Variants in PHACTR4 observed in about 807,000 individuals in gnomAD.
The protein encoded by PHACTR4 is phosphatase and actin regulator 4, also known as protein phosphatase 1, regulatory subunit 124.
In PHACTR4, 51 loss-of-function variants were observed where a neutral mutation model predicts 72.7. The observed-to-expected ratio is 0.70, with a 90% CI of 0.56 to 0.89. The LOEUF (loss-of-function observed/expected upper bound fraction) is 0.89, where lower values mean the gene tolerates loss of function less well. Among genes scored for constraint, PHACTR4 ranks in the 40% least tolerant of loss-of-function variants. The pLI is 0.00. For missense variants in PHACTR4, 731 were observed against 861.8 expected (o/e 0.85, Z 1.90); for synonymous variants, 255 against 302.5 (o/e 0.84, Z 1.63).
intron 2 of PHACTR4, among the ~76,000 whole-genome samples, chr1:28,451,319 T>A (rs1291605530): frequency 6.6e-6 from 1 of 152,068 alleles, no homozygotes; most frequent in African/African-American, 2.4e-5. Flanking sequence ...TTTCTAAGCA[T>A]TGCAATTGAA....
At chr1:28,383,926 G>T (rs1005958006) in intron 1 of PHACTR4, among the ~76,000 whole-genome samples, 1 of 152,084 alleles carries the variant, frequency 6.6e-6, no homozygotes, top group Non-Finnish European at 1.5e-5. Flanking sequence ...TAATCATGTG[G>T]TTTTTGTCTT....
At chr1:28,489,411 T>C (rs1660899693) in intron 10 of PHACTR4, among the ~76,000 whole-genome samples, 186 bp downstream of exon 10, 1 of 152,216 alleles carries the variant, frequency 6.6e-6, no homozygotes, top group Non-Finnish European at 1.5e-5. Flanking sequence ...GATGCTATTA[T>C]GGTATTGTTT....
At chr1:28,488,983 A>G (rs1660874344) in intron 9 of PHACTR4, among the ~76,000 whole-genome samples, 187 bp from the exon 10 acceptor site, 1 of 152,178 alleles carries the variant, frequency 6.6e-6, no homozygotes, top group South Asian at 2.1e-4. Context: ...ATAATGTGAT[A>G]TCTGTGTTAA....
intron 1 of PHACTR4, among the ~76,000 whole-genome samples, chr1:28,405,497 T>G (rs1654255708): frequency 6.6e-6 from 1 of 151,662 alleles, no homozygotes; most frequent in Non-Finnish European, 1.5e-5. Context: ...CAGCTAATTT[T>G]GGTATTTTTG....
chr1:28,422,869 C>G (rs1655594271), intron 2 of PHACTR4, among the ~76,000 whole-genome samples: 1 of 152,168 alleles, frequency 6.6e-6, no homozygotes, highest in Non-Finnish European at 1.5e-5. Flanking sequence ...TCACTGCAAC[C>G]TTCACCTCCC....
chr1:28,481,128 A>G (rs925756870), intron 9 of PHACTR4, among the ~76,000 whole-genome samples: 17 of 151,872 alleles, frequency 1.1e-4, no homozygotes, highest in Admixed American at 6.6e-5. Context: ...TCTTGGGTTC[A>G]AGGCACCCTC....
chr1:28,455,033 T>G (rs369516342), intron 2 of PHACTR4, among the ~76,000 whole-genome samples: 133 of 151,330 alleles, frequency 8.8e-4, no homozygotes, highest in African/African-American at 2.0e-3. Context: ...CTAATTTTTT[T>G]TTGTTGTTGT....
At chr1:28,440,307 GAAAAAAA>G (rs1206889147) in intron 2 of PHACTR4, among the ~76,000 whole-genome samples, 3 of 82,116 alleles carry the variant, frequency 3.7e-5, no homozygotes, top group Admixed American at 1.8e-4. Context: ...GTCTCAAAAA[GAAAAAAA>G]AAAAAAAAAA....
intron 2 of PHACTR4, among the ~76,000 whole-genome samples, chr1:28,455,198 CTT>C (rs139479738): frequency 4.7e-5 from 4 of 85,972 alleles, no homozygotes; most frequent in African/African-American, 1.1e-4. Flanking sequence ...TTCTTTCTTT[CTT>C]TTTTTTTTTT....
At chr1:28,411,978 G>T (rs1213630093) in intron 2 of PHACTR4, among the ~76,000 whole-genome samples, 1 of 152,108 alleles carries the variant, frequency 6.6e-6, no homozygotes, top group Non-Finnish European at 1.5e-5. Context: ...GGATTTTTAC[G>T]AATAAAGTAC....
Position 28,399,170 on chromosome 1 carries a change from G to A in PHACTR4, c.-38-8240G>A, listed in dbSNP as rs1653758569. Among the ~76,000 whole-genome samples the A allele has an allele frequency of 2.6e-5, 4 of 152,082 alleles. No homozygotes were observed. In the South Asian group the frequency reaches 6.2e-4, roughly 24 times the overall value. On this transcript the variant is annotated intron_variant, in intron 1 of 13. Transcript: ENST00000373839. ...CTACTAAAAATACAAAAATTAGCTG[G>A]GTGTGGTGGCACATGCCGGTAATCT... is the stretch of plus-strand genomic sequence containing the variant.
chr1:28,421,041 G>A (rs1655472774), intron 2 of PHACTR4, among the ~76,000 whole-genome samples: 1 of 152,066 alleles, frequency 6.6e-6, no homozygotes, highest in African/African-American at 2.4e-5. Flanking sequence ...TGGACTTTAT[G>A]TTCTTTTCTG....
At chr1:28,380,489 A>G (rs906192390) in intron 1 of PHACTR4, among the ~76,000 whole-genome samples, 1 of 152,118 alleles carries the variant, frequency 6.6e-6, no homozygotes, top group African/African-American at 2.4e-5. Flanking sequence ...TTATTTTTCC[A>G]GATCCTCTCC....
intron 6 of PHACTR4, among the ~76,000 whole-genome samples, chr1:28,473,330 G>GCTA (rs1227491556): frequency 6.6e-6 from 1 of 150,480 alleles, no homozygotes; most frequent in South Asian, 2.1e-4. Context: ...AATGAAGTAA[G>GCTA]CTACTCATCA....
intron 1 of PHACTR4, among the ~76,000 whole-genome samples, chr1:28,372,897 TACTATTG>T (rs1262922452): frequency 6.6e-6 from 1 of 151,798 alleles, no homozygotes; most frequent in Non-Finnish European, 1.5e-5. Flanking sequence ...AAACAGCAGT[TACTATTG>T]ACTATTGCTT....
At chr1:28,438,388 G>T in intron 2 of PHACTR4, 1 of 1,612,140 alleles carries the variant, frequency 6.2e-7, no homozygotes, top group Non-Finnish European at 8.5e-7. Context: ...TATAATCATG[G>T]GACAAGCTGA....
chr1:28,397,855 C>T (rs1024602438), intron 1 of PHACTR4, among the ~76,000 whole-genome samples: 1 of 151,876 alleles, frequency 6.6e-6, no homozygotes, highest in Non-Finnish European at 1.5e-5. Flanking sequence ...GCCACCATGC[C>T]CTGCTAATTT....
chr1:28,473,148 C>T (rs1443132361), intron 6 of PHACTR4, among the ~76,000 whole-genome samples: 3 of 151,802 alleles, frequency 2.0e-5, no homozygotes, highest in Admixed American at 6.6e-5. Flanking sequence ...TAGTGGCGTG[C>T]GCCTGTAATC....
chr1:28,387,731 A>AG (rs1652671315), intron 1 of PHACTR4, among the ~76,000 whole-genome samples: 3 of 121,326 alleles, frequency 2.5e-5, no homozygotes, highest in African/African-American at 1.2e-4. Context: ...TACAAAAAAC[A>AG]ATTTTTTTTT....
Sources: gnomAD v4.1 joint callset for allele counts (sites outside exome capture counted in the v4.1 genomes callset) on GRCh38, gnomAD v4.1.1 for gene constraint, MANE v1.5 for transcripts, NCBI Gene and HGNC (gene_info 2026-07-23, HGNC 2026-07-21) for gene names.